ARHGAP32: variants seen among roughly 807,000 people sequenced by gnomAD.
ARHGAP32 encodes the protein Rho GTPase activating protein 32.
In ARHGAP32, 51 loss-of-function variants were observed where a neutral mutation model predicts 186.5. The observed-to-expected ratio is 0.27, with a 90% confidence interval of 0.22 to 0.35. ARHGAP32 has a LOEUF of 0.35. Ranked by LOEUF, ARHGAP32 falls within the 10% of genes least tolerant of loss-of-function variation. The probability of loss-of-function intolerance (pLI) is 1.00; values close to 1 mark genes in which losing one functional copy is unlikely to be tolerated. For synonymous variants in ARHGAP32, 950 were observed against 964.3 expected (o/e 0.99, Z 0.27); for missense variants, 2,186 against 2,623.5 (o/e 0.83, Z 3.64).
intron 1 of ARHGAP32, among the ~76,000 whole-genome samples, chr11:129,166,061 G>T (rs1196624117): frequency 6.6e-6 from 1 of 152,026 alleles, no homozygotes; most frequent in African/African-American, 2.4e-5. Flanking sequence ...AAAATCAAAT[G>T]TTCATTTTAA....
At chr11:129,088,524 G>A (rs1172463087) in intron 6 of ARHGAP32, among the ~76,000 whole-genome samples, 1 of 150,972 alleles carries the variant, frequency 6.6e-6, no homozygotes, top group African/African-American at 2.4e-5. Context: ...AGGTTGCAGT[G>A]AGCCGAGATC....
chr11:129,169,624 T>G (rs1305661660), intron 1 of ARHGAP32, among the ~76,000 whole-genome samples: 1 of 105,676 alleles, frequency 9.5e-6, no homozygotes, highest in African/African-American at 3.8e-5. Context: ...AGAGTGAGAC[T>G]CTGTCTCAAA....
intron 11 of ARHGAP32, among the ~76,000 whole-genome samples, chr11:129,002,195 A>G (rs961636866): frequency 6.6e-6 from 1 of 152,114 alleles, no homozygotes; most frequent in Non-Finnish European, 1.5e-5. Flanking sequence ...TAATATGGAC[A>G]TTTTTAACAA....
At chr11:129,093,423 T>C (rs1941637324) in intron 6 of ARHGAP32, among the ~76,000 whole-genome samples, 198 bp downstream of exon 6, 1 of 152,148 alleles carries the variant, frequency 6.6e-6, no homozygotes, top group South Asian at 2.1e-4. Context: ...ATTGTATGAA[T>C]ACACTTATTT....
intron 21 of ARHGAP32, chr11:128,973,648 T>A: frequency 1.7e-6 from 1 of 581,788 alleles, no homozygotes; most frequent in East Asian, 2.9e-5. Context: ...GACTGCAATC[T>A]CTTCTTGAAT....
At chr11:129,162,448 ATTG>A (rs1943550341) in intron 2 of ARHGAP32, among the ~76,000 whole-genome samples, 1 of 152,162 alleles carries the variant, frequency 6.6e-6, no homozygotes, top group Non-Finnish European at 1.5e-5. Flanking sequence ...CAATATTGCT[ATTG>A]TTGTTGAGGA....
At chr11:129,193,877 C>G (rs961757921), upstream of ARHGAP32, among the ~76,000 whole-genome samples, 2 of 146,808 alleles carry the variant, frequency 1.4e-5, no homozygotes, top group Admixed American at 1.4e-4. Flanking sequence ...AAACATATCA[C>G]AAAGGGTTAA....
At chr11:129,048,204 A>T (rs1422890727) in intron 10 of ARHGAP32, among the ~76,000 whole-genome samples, 3 of 152,166 alleles carry the variant, frequency 2.0e-5, no homozygotes, top group Admixed American at 1.3e-4. Flanking sequence ...TTGCAGCCGG[A>T]TATGCAGGTT....
intron 11 of ARHGAP32, among the ~76,000 whole-genome samples, chr11:129,040,371 C>T (rs1939542384): frequency 6.6e-6 from 1 of 152,084 alleles, no homozygotes. Flanking sequence ...TCAGATGAGG[C>T]ATTCTGTTGA....
At chr11:128,989,284 G>C (rs897561639) in intron 12 of ARHGAP32, among the ~76,000 whole-genome samples, 3 of 151,960 alleles carry the variant, frequency 2.0e-5, no homozygotes, top group African/African-American at 7.3e-5. Flanking sequence ...GCAGCTGATA[G>C]TATTAAGTAC....
At chr11:128,972,254 C>G in intron 22 of ARHGAP32, 199 bp downstream of exon 22, 1 of 441,364 alleles carries the variant, frequency 2.3e-6, no homozygotes, top group Admixed American at 3.9e-5. Flanking sequence ...CATCTAGGAG[C>G]TACTCCTTTC....
chr11:129,230,156 C>T (rs923964826), intron 1 of ARHGAP32, among the ~76,000 whole-genome samples: 1 of 152,072 alleles, frequency 6.6e-6, no homozygotes, highest in African/African-American at 2.4e-5. Context: ...AAGTTATATG[C>T]TACTGAAGAA....
chr11:129,193,575 T>TC (rs1944320753), upstream of ARHGAP32, among the ~76,000 whole-genome samples: 1 of 54,036 alleles, frequency 1.9e-5, no homozygotes, highest in African/African-American at 7.3e-5. Flanking sequence ...ATATAATATA[T>TC]ATATATTATA....
At chr11:129,196,594 T>C (rs943360739), upstream of ARHGAP32, among the ~76,000 whole-genome samples, 4 of 152,192 alleles carry the variant, frequency 2.6e-5, no homozygotes, top group African/African-American at 9.6e-5. Flanking sequence ...TGACTGCATA[T>C]GCTGAGCACT....
rs561374264 is a variant in ARHGAP32 at position 129,265,707 on chromosome 11, T to TA, written c.-5+13438dup. 4.2e-3 allele frequency among the ~76,000 whole-genome samples: 632 copies of TA among 152,202 alleles called. 7 individuals carry two copies. The highest frequency in any genetic ancestry group is 0.014 in the African/African-American group (593 of 41,530). On this transcript the variant is annotated intron_variant, in intron 1 of 6. Transcript: ENST00000525234. ...AGATCAGTACAAAGTAGGCATTAGA[T>TA]AAAAAAACAAGTGAATTTACATGTA...
chr11:128,976,451 AAATGAGTT>A lies in ARHGAP32; in HGVS notation c.2194+104_2194+111del. 3 of 832,790 alleles carry A rather than the reference AAATGAGTT, an allele frequency of 3.6e-6. No individual in the cohort carries two copies. The South Asian group carries it at 5.1e-5, about 14-fold the overall frequency. The allele number at this position is 832,790 out of a possible 1,614,324, so 51.6% of individuals were successfully genotyped here. ...CTAAATAGACACTAGTATTCCTAGG[AAATGAGTT>A]AATAGCCTATTTATTAAGCACAGAT... On this transcript the variant is annotated intron_variant, in intron 20 of 22. Coordinates refer to ENST00000682385, the MANE Select transcript of ARHGAP32 (RefSeq NM_001378024.1).
At chr11:129,193,603 AATATATAATATATGTTATATAAT>A (rs1410218731), upstream of ARHGAP32, among the ~76,000 whole-genome samples, 68 of 69,694 alleles carry the variant, frequency 9.8e-4, no homozygotes, top group East Asian at 0.024. Flanking sequence ...TGTTATATAT[AATATATAATATATGTTATATAAT>A]ATATATAATA....
intron 5 of ARHGAP32, among the ~76,000 whole-genome samples, chr11:129,105,515 C>T (rs1942024721): frequency 6.6e-6 from 1 of 152,036 alleles, no homozygotes; most frequent in South Asian, 2.1e-4. Context: ...TCAAAAAAAT[C>T]CCTGACAAAA....
At chr11:129,066,003 T>G (rs1940675133) in intron 7 of ARHGAP32, among the ~76,000 whole-genome samples, 1 of 152,174 alleles carries the variant, frequency 6.6e-6, no homozygotes, top group African/African-American at 2.4e-5. Flanking sequence ...GATCCTATAT[T>G]CGTTTACAAC....
Sources: gnomAD v4.1 joint callset for allele counts (sites outside exome capture counted in the v4.1 genomes callset) on GRCh38, gnomAD v4.1.1 for gene constraint, MANE v1.5 for transcripts, NCBI Gene and HGNC (gene_info 2026-07-23, HGNC 2026-07-21) for gene names.